ITIH5: variants seen among roughly 807,000 people sequenced by gnomAD.
The protein encoded by ITIH5 is inter-alpha-trypsin inhibitor heavy chain 5, also known as inter-alpha-trypsin inhibitor heavy chain H5.
In ITIH5, 65 loss-of-function variants were observed where a neutral mutation model predicts 77.5. The ratio of observed to expected loss-of-function variants is 0.84; its 90% confidence interval spans 0.69 to 1.03. ITIH5 has a LOEUF of 1.03. ITIH5 is among the 50% of genes least tolerant of loss of function. ITIH5 has a pLI of 0.00. For synonymous variants in ITIH5, 525 were observed against 494.3 expected (o/e 1.06, Z -0.82); for missense variants, 1,208 against 1,213.1 (o/e 1.00, Z 0.06).
intron 9 of ITIH5, chr10:7,578,400 T>C (rs1832468531): frequency 6.0e-6 from 1 of 167,352 alleles, no homozygotes; most frequent in Non-Finnish European, 1.5e-5. Flanking sequence ...TTCAGTGGGA[T>C]GGCAGTGCAG....
At chr10:7,603,421 A>G (rs1461693056) in intron 7 of ITIH5, among the ~76,000 whole-genome samples, 2 of 152,140 alleles carry the variant, frequency 1.3e-5, no homozygotes, top group Non-Finnish European at 2.9e-5. Context: ...ACTGCTAATC[A>G]GTGTGGGGGT....
chr10:7,572,770 ACTTTTTTTTT>A (rs1832327217), intron 11 of ITIH5: 1 of 46,954 alleles, frequency 2.1e-5, no homozygotes, highest in South Asian at 3.0e-4. Flanking sequence ...TTGGTTTTAC[ACTTTTTTTTT>A]TTTTTTTTTT....
At chr10:7,628,584 G>C (rs78417310) in intron 5 of ITIH5, among the ~76,000 whole-genome samples, 6 of 146,368 alleles carry the variant, frequency 4.1e-5, no homozygotes, top group East Asian at 2.0e-4. Flanking sequence ...CCATGCTGTA[G>C]CATGTATCTG....
chr10:7,623,407 C>T (rs1833505591), intron 5 of ITIH5, among the ~76,000 whole-genome samples: 1 of 152,094 alleles, frequency 6.6e-6, no homozygotes, highest in African/African-American at 2.4e-5. Context: ...GGAGCACTAC[C>T]CTCTGAGGGT....
chr10:7,576,592 G>A lies in ITIH5; in HGVS notation c.1839C>T (p.Arg613=), dbSNP rs1832422241. The A allele has an allele frequency of 2.5e-6, 4 of 1,613,970 alleles. No homozygotes were observed. Among genetic ancestry groups the A allele is most frequent in the African/African-American group, 1.3e-5 (1 of 74,944 alleles). Reference sequence around the variant, plus strand: ...TCATGGAGGTGAAGGGAGTGAGGAAGCGGTAGCTCACAGCCAGGGCCTGGG... The same window carrying A: ...TCATGGAGGTGAAGGGAGTGAGGAAACGGTAGCTCACAGCCAGGGCCTGGG... ...QRAQALAVSY[R]FLTPFTSMKL... is the part of the protein sequence containing the mutation. Residue 613 remains arginine, a synonymous_variant, in exon 10 of 14, where the codon CGC becomes CGT. Coordinates refer to ENST00000397146, the MANE Select transcript of ITIH5 (RefSeq NM_030569.7).
At chr10:7,650,135 T>C (rs1439496295) in intron 2 of ITIH5, among the ~76,000 whole-genome samples, 1 of 152,204 alleles carries the variant, frequency 6.6e-6, no homozygotes, top group Non-Finnish European at 1.5e-5. Context: ...GCACTTAAAA[T>C]CAAGCCACCC....
intron 5 of ITIH5, among the ~76,000 whole-genome samples, chr10:7,629,465 CTG>C (rs1261687641): frequency 1.3e-5 from 2 of 150,670 alleles, no homozygotes; most frequent in Non-Finnish European, 3.0e-5. Flanking sequence ...TCATATGTAT[CTG>C]TGTTTTCGCA....
intron 5 of ITIH5, among the ~76,000 whole-genome samples, chr10:7,632,900 T>G (rs998461386): frequency 6.6e-6 from 1 of 152,194 alleles, no homozygotes; most frequent in African/African-American, 2.4e-5. Flanking sequence ...GAAAATTTTC[T>G]GCCAAAAAAA....
At chr10:7,623,527 G>A (rs183887181) in intron 5 of ITIH5, among the ~76,000 whole-genome samples, 1 of 152,244 alleles carries the variant, frequency 6.6e-6, no homozygotes, top group East Asian at 1.9e-4. Flanking sequence ...CATAAGGCCG[G>A]GCGTGGTGGC....
At chr10:7,644,643 T>TCA (rs1833960215) in intron 2 of ITIH5, among the ~76,000 whole-genome samples, 1 of 81,210 alleles carries the variant, frequency 1.2e-5, no homozygotes, top group South Asian at 4.9e-4. Context: ...CACATATATA[T>TCA]CATATATATC....
intron 1 of ITIH5, among the ~76,000 whole-genome samples, chr10:7,657,556 AAAAT>A (rs1834208842): frequency 6.6e-6 from 1 of 152,244 alleles, no homozygotes; most frequent in Non-Finnish European, 1.5e-5. Flanking sequence ...AAATGCCCTG[AAAAT>A]GTGGTTCGGT....
chr10:7,586,207 T>A, intron 7 of ITIH5, 138 bp from the exon 8 acceptor site: 1 of 716,944 alleles, frequency 1.4e-6, no homozygotes, highest in Non-Finnish European at 2.2e-6. Context: ...GGCACTTGGC[T>A]GAATGTCAAG....
chr10:7,601,455 C>T (rs1296685666), intron 7 of ITIH5, among the ~76,000 whole-genome samples: 1 of 152,202 alleles, frequency 6.6e-6, no homozygotes, highest in Non-Finnish European at 1.5e-5. Context: ...ATAAACACTA[C>T]TGCACTGAGG....
At chr10:7,599,504 G>A (rs1481988637) in intron 7 of ITIH5, among the ~76,000 whole-genome samples, 1 of 152,138 alleles carries the variant, frequency 6.6e-6, no homozygotes, top group Admixed American at 6.5e-5. Context: ...TTGTCCTACT[G>A]CAGGTCTGGA....
At chr10:7,641,198 T>C (rs1833879624) in intron 3 of ITIH5, among the ~76,000 whole-genome samples, 1 of 152,168 alleles carries the variant, frequency 6.6e-6, no homozygotes, top group Non-Finnish European at 1.5e-5. Context: ...CTTTACTTCT[T>C]GGCTCAGAGA....
chr10:7,601,992 A>T (rs1184426488), intron 7 of ITIH5, among the ~76,000 whole-genome samples: 2 of 152,116 alleles, frequency 1.3e-5, no homozygotes. Flanking sequence ...AGCTGGGACT[A>T]CAGGTACGTG....
At chr10:7,644,257 A>G (rs1219583890) in intron 2 of ITIH5, among the ~76,000 whole-genome samples, 2 of 150,258 alleles carry the variant, frequency 1.3e-5, no homozygotes, top group South Asian at 2.1e-4. Context: ...ATATATATAT[A>G]TATGTACATA....
chr10:7,647,332 TGGAGAA>T (rs1352496437), intron 2 of ITIH5, among the ~76,000 whole-genome samples: 2 of 152,218 alleles, frequency 1.3e-5, no homozygotes, highest in African/African-American at 4.8e-5. Flanking sequence ...AGGAAAAACA[TGGAGAA>T]TAATTCAGCT....
At chr10:7,655,496 G>A (rs1834166077) in intron 2 of ITIH5, 135 bp downstream of exon 2, 2 of 672,610 alleles carry the variant, frequency 3.0e-6, no homozygotes, top group Admixed American at 2.7e-5. Context: ...ACTCAACTAT[G>A]CTGTTTCATC....
Sources: allele counts gnomAD v4.1 joint callset (sites outside exome capture counted in the v4.1 genomes callset), GRCh38; gene constraint gnomAD v4.1.1; transcripts MANE v1.5; gene names NCBI Gene and HGNC (gene_info 2026-07-23, HGNC 2026-07-21).